The following FABP12 variants were observed in gnomAD, a reference collection of about 807,000 sequenced individuals.
FABP12 encodes fatty acid-binding protein 12.
In FABP12, 19 loss-of-function variants were observed where a neutral mutation model predicts 13.7. The ratio of observed to expected loss-of-function variants is 1.39; its 90% confidence interval spans 0.97 to 2.04. The LOEUF is 2.04. Ranked by LOEUF, FABP12 falls within the 30% of genes most tolerant of loss-of-function variation. The pLI is 0.00. For synonymous variants in FABP12, 61 were observed against 57.0 expected, an observed-to-expected ratio of 1.07 and a Z score of -0.32; for missense variants, 182 against 164.2, an observed-to-expected ratio of 1.11 and a Z score of -0.59.
At chr8:81,529,200 G>A (rs1003531090) in intron 3 of FABP12, among the ~76,000 whole-genome samples, 18 of 152,266 alleles carry the variant, frequency 1.2e-4, no homozygotes, top group East Asian at 9.6e-4. Context: ...TCTGCTAAGC[G>A]TCTGCATCAG....
chr8:81,535,949 C>T (rs1809211313), upstream of FABP12, among the ~76,000 whole-genome samples: 1 of 152,196 alleles, frequency 6.6e-6, no homozygotes, highest in African/African-American at 2.4e-5. Context: ...GTTGGCTAAT[C>T]ATCTATTTTG....
intron 1 of FABP12, among the ~76,000 whole-genome samples, chr8:81,588,469 T>G (rs1810275370): frequency 6.6e-6 from 1 of 152,250 alleles, no homozygotes; most frequent in Non-Finnish European, 1.5e-5. Flanking sequence ...TGTTGGTATG[T>G]ATAAATGCTA....
intron 1 of FABP12, among the ~76,000 whole-genome samples, chr8:81,572,097 C>A (rs1183005793): frequency 6.6e-6 from 1 of 151,152 alleles, no homozygotes; most frequent in Non-Finnish European, 1.5e-5. Context: ...ATCTTTTATA[C>A]CTTGCCCCCT....
At chr8:81,545,743 T>C (rs1809424732) in intron 1 of FABP12, among the ~76,000 whole-genome samples, 1 of 152,214 alleles carries the variant, frequency 6.6e-6, no homozygotes, top group South Asian at 2.1e-4. Flanking sequence ...TTCCAAATAG[T>C]GTTTTAAAAG....
chr8:81,527,486 C>G (rs1445201922), intron 3 of FABP12, among the ~76,000 whole-genome samples: 1 of 152,100 alleles, frequency 6.6e-6, no homozygotes, highest in Non-Finnish European at 1.5e-5. Context: ...CCTCAGCCTC[C>G]CAAATAGCTG....
At chr8:81,563,459 C>T (rs548444330) in intron 1 of FABP12, among the ~76,000 whole-genome samples, 1 of 152,218 alleles carries the variant, frequency 6.6e-6, no homozygotes, top group East Asian at 1.9e-4. Flanking sequence ...TACCAGTGAC[C>T]AATCCTGGAG....
intron 1 of FABP12, chr8:81,532,915 TTAA>T (rs1201530381): frequency 6.6e-6 from 1 of 152,236 alleles, no homozygotes; most frequent in Non-Finnish European, 1.5e-5. Flanking sequence ...CTCATTCAAC[TTAA>T]TAGGCATGAG....
At chr8:81,548,716 GA>G in intron 1 of FABP12, among the ~76,000 whole-genome samples, 1 of 152,084 alleles carries the variant, frequency 6.6e-6, no homozygotes, top group Non-Finnish European at 1.5e-5. Context: ...AGAGAATTTT[GA>G]AGACATTTTT....
Position 81,544,940 on chromosome 8 carries a change from G to T in FABP12, c.-184-5197C>A, listed in dbSNP as rs139280983. Among the ~76,000 whole-genome samples, 3 of 152,190 alleles carry T rather than the reference G, an allele frequency of 2.0e-5. No homozygotes were observed. In the East Asian group the frequency reaches 5.8e-4, roughly 29 times the overall value. ...AACTCTGATTTTAAAATGATATTGT[G>T]TAATTCCAGGAAGAGATTTTATGGC... On this transcript the variant is annotated intron_variant, in intron 1 of 5. Coordinates refer to the FABP12 transcript ENST00000692030.
chr8:81,538,594 C>T (rs1809279096), upstream of FABP12, among the ~76,000 whole-genome samples: 1 of 152,042 alleles, frequency 6.6e-6, no homozygotes, highest in East Asian at 1.9e-4. Context: ...CTAGGGACAC[C>T]ATGGATTGTC....
chr8:81,531,219 G>A (rs751322897), intron 2 of FABP12, 24 bp downstream of exon 2: 3 of 1,549,326 alleles, frequency 1.9e-6, no homozygotes, highest in Admixed American at 3.4e-5. Context: ...TACTGGATAT[G>A]ATATGCAAGT....
chr8:81,551,436 A>G (rs1296461104), intron 1 of FABP12, among the ~76,000 whole-genome samples: 2 of 152,140 alleles, frequency 1.3e-5, no homozygotes, highest in Admixed American at 1.3e-4. Context: ...AGAAGTTAAG[A>G]AGCATTCTGT....
At chr8:81,564,919 A>G (rs1290915049) in intron 1 of FABP12, among the ~76,000 whole-genome samples, 3 of 152,058 alleles carry the variant, frequency 2.0e-5, no homozygotes, top group Non-Finnish European at 4.4e-5. Context: ...ACAGGACCCA[A>G]TGATCTATTG....
intron 1 of FABP12, among the ~76,000 whole-genome samples, chr8:81,576,268 G>T (rs972652230): frequency 1.3e-5 from 2 of 151,694 alleles, no homozygotes; most frequent in Non-Finnish European, 2.9e-5. Context: ...TTTAGAGGGG[G>T]GCCTTGAAAT....
intron 1 of FABP12, among the ~76,000 whole-genome samples, chr8:81,561,251 T>C (rs555023046): frequency 4.6e-5 from 7 of 152,326 alleles, no homozygotes; most frequent in Admixed American, 3.9e-4. Flanking sequence ...ACAGTGCATA[T>C]GAAAGTACTT....
upstream of FABP12, among the ~76,000 whole-genome samples, chr8:81,535,172 T>C (rs765717319): frequency 2.0e-5 from 3 of 152,186 alleles, no homozygotes; most frequent in Admixed American, 1.3e-4. Context: ...TAAGATTCAC[T>C]TGGATTTTGC....
intron 1 of FABP12, among the ~76,000 whole-genome samples, chr8:81,545,985 A>G (rs1809429442): frequency 6.6e-6 from 1 of 152,210 alleles, no homozygotes; most frequent in Non-Finnish European, 1.5e-5. Flanking sequence ...TAAGATACCA[A>G]GATCTCACAA....
chr8:81,586,965 T>G (rs1196152588), intron 1 of FABP12, among the ~76,000 whole-genome samples: 1 of 152,218 alleles, frequency 6.6e-6, no homozygotes, highest in Non-Finnish European at 1.5e-5. Flanking sequence ...GAGTTAATTT[T>G]TGTATATGGT....
At chr8:81,543,525 G>A (rs1809386768) in intron 1 of FABP12, among the ~76,000 whole-genome samples, 1 of 152,154 alleles carries the variant, frequency 6.6e-6, no homozygotes, top group Non-Finnish European at 1.5e-5. Context: ...GAGAAGTTAT[G>A]TTTCAGAGAT....
Sources: gnomAD v4.1 joint callset for allele counts (sites outside exome capture counted in the v4.1 genomes callset) on GRCh38, gnomAD v4.1.1 for gene constraint, MANE v1.5 for transcripts, NCBI Gene and HGNC (gene_info 2026-07-23, HGNC 2026-07-21) for gene names.